The following CGGBP1 variants were observed in gnomAD, a reference collection of about 807,000 sequenced individuals.
The protein encoded by CGGBP1 is CGG triplet repeat binding protein 1, also known as CGG triplet repeat-binding protein 1.
A neutral mutation model predicts 11.4 loss-of-function variants in CGGBP1; 4 were observed. The ratio of observed to expected loss-of-function variants is 0.35; its 90% CI spans 0.17 to 0.80. The LOEUF (loss-of-function observed/expected upper bound fraction) is 0.80, where lower values mean the gene tolerates loss of function less well. Ranked by LOEUF, CGGBP1 falls within the 30% of genes least tolerant of loss-of-function variation. The pLI, the probability that CGGBP1 is intolerant of heterozygous loss-of-function variation, is 0.52. For synonymous variants in CGGBP1, 76 were observed against 74.1 expected, an observed-to-expected ratio of 1.03 and a Z score of -0.13; for missense variants, 135 against 202.1, an observed-to-expected ratio of 0.67 and a Z score of 2.01.
intron 2 of CGGBP1, among the ~76,000 whole-genome samples, chr3:88,085,452 A>G (rs1352133861): frequency 6.6e-6 from 1 of 152,232 alleles, no homozygotes; most frequent in Non-Finnish European, 1.5e-5. Flanking sequence ...TTAAAAATGT[A>G]AAATCACTTT....
At chr3:88,127,051 G>A (rs1457303181) in intron 2 of CGGBP1, among the ~76,000 whole-genome samples, 1 of 151,932 alleles carries the variant, frequency 6.6e-6, no homozygotes, top group African/African-American at 2.4e-5. Context: ...AGAACATTTT[G>A]GATCACCAAA....
chr3:88,136,798 C>A (rs1706812256), intron 2 of CGGBP1, among the ~76,000 whole-genome samples: 1 of 152,110 alleles, frequency 6.6e-6, no homozygotes, highest in South Asian at 2.1e-4. Flanking sequence ...TATCCTGGAA[C>A]CATCAAAAGA....
chr3:88,108,203 G>GTT (rs879906166), intron 2 of CGGBP1, among the ~76,000 whole-genome samples: 5 of 146,228 alleles, frequency 3.4e-5, no homozygotes, highest in African/African-American at 7.5e-5. Flanking sequence ...TTTCAAAGTA[G>GTT]TTTTTTTTTT....
chr3:88,071,568 G>A (rs112117409), intron 2 of CGGBP1, among the ~76,000 whole-genome samples: 63 of 152,274 alleles, frequency 4.1e-4, no homozygotes, highest in Middle Eastern at 3.4e-3. Flanking sequence ...CCTGGGAGGC[G>A]GAGCTTGCAG....
intron 2 of CGGBP1, among the ~76,000 whole-genome samples, chr3:88,091,600 GT>G (rs1200743928): frequency 6.6e-6 from 1 of 152,078 alleles, no homozygotes; most frequent in African/African-American, 2.4e-5. Context: ...GTTTCACTGT[GT>G]CCCCACCCAA....
intron 2 of CGGBP1, chr3:88,139,976 C>G (rs1164275792): frequency 8.7e-6 from 14 of 1,613,540 alleles, no homozygotes; most frequent in Non-Finnish European, 1.2e-5. Context: ...ATGCAATGAC[C>G]GTACATCCAA....
chr3:88,057,673 TAA>T (rs1333249230), intron 2 of CGGBP1: 5 of 152,234 alleles, frequency 3.3e-5, no homozygotes, highest in Non-Finnish European at 5.9e-5. Context: ...ACTTTCTATG[TAA>T]AAAGTCTTGT....
rs780445875 is a variant in CGGBP1, at chr3:88,055,914, C to G, written c.63G>C (p.Val21=). 2 of 1,614,172 alleles carry G rather than the reference C, an allele frequency of 1.2e-6. No homozygotes were observed. The highest frequency in any genetic ancestry group is 3.3e-5 in the Admixed American group (2 of 60,020). ...ACTCAGTGACTCGATCCAGGGGAGT[C>G]ACATACAAAGCAGTCTTAGAACGGT... ...ARNRSKTALY[V]TPLDRVTEFG... The change falls in exon 4 of 4, where the codon GTG becomes GTC. Residue 21 remains valine (V), a synonymous_variant. Transcript: ENST00000482016. This position sits in a 1 kb window ranked among gnomAD's most constrained non-coding sequence, Gnocchi z 4.2.
chr3:88,127,464 G>GGA (rs1427107629), intron 2 of CGGBP1, among the ~76,000 whole-genome samples: 1 of 151,988 alleles, frequency 6.6e-6, no homozygotes, highest in Non-Finnish European at 1.5e-5. Context: ...AAACTAAAAG[G>GGA]GAGAGAGTTG....
At chr3:88,140,225 T>A in intron 2 of CGGBP1, 1 of 1,612,138 alleles carries the variant, frequency 6.2e-7, no homozygotes, top group Non-Finnish European at 8.5e-7. Context: ...CAGAATGCCA[T>A]GAGCTTTTTG....
rs1199440848 is a variant in CGGBP1 at position 88,055,143 on chromosome 3, TCATA to T, written c.*326_*329del. On this transcript the variant is annotated 3_prime_UTR_variant, in exon 4 of 4. Transcript: ENST00000482016. This position sits in a 1 kb window ranked among gnomAD's most constrained non-coding sequence, Gnocchi z 4.2. ...AATTAAGTAATCTCACAAGGAATAA[TCATA>T]CATGGCAACAGGGTAAAAAAGCAGG... The T allele has an allele frequency of 5.2e-6, 1 of 190,660 alleles. No individual in the cohort carries two copies. The highest frequency in any genetic ancestry group is 1.1e-5 in the Non-Finnish European group (1 of 94,142). 11.8% of individuals were successfully genotyped at this position (190,660 alleles called of 1,614,324 possible).
intron 2 of CGGBP1, among the ~76,000 whole-genome samples, chr3:88,089,989 G>A (rs1708548443): frequency 6.6e-6 from 1 of 152,128 alleles, no homozygotes; most frequent in Admixed American, 6.5e-5. Context: ...TCATGCTTGT[G>A]GTGATGCTGG....
At chr3:88,109,142 A>AGTT (rs1553697146) in intron 2 of CGGBP1, among the ~76,000 whole-genome samples, 2 of 142,434 alleles carry the variant, frequency 1.4e-5, no homozygotes, top group Admixed American at 7.0e-5. Flanking sequence ...AGTGGGCACT[A>AGTT]GTGTGTGTGT....
chr3:88,104,372 G>A (rs570873674), intron 2 of CGGBP1, among the ~76,000 whole-genome samples: 14 of 152,270 alleles, frequency 9.2e-5, no homozygotes, highest in African/African-American at 2.6e-4. Flanking sequence ...CTCATGGACC[G>A]TAGTGTCTCT....
rs1303950443 is a variant in CGGBP1 at position 88,126,826 on chromosome 3, A to G, written c.-229+14144T>C. On this transcript the variant is annotated intron_variant, in intron 2 of 3. Coordinates refer to the CGGBP1 transcript ENST00000462901. ...AGTGAATAAGTGACTAACTGAATGAATAAATTTGAATTCTAGAGCAGTATT... is the reference window on the plus strand; with the variant it reads ...AGTGAATAAGTGACTAACTGAATGAGTAAATTTGAATTCTAGAGCAGTATT... Among the ~76,000 whole-genome samples, 4 of 152,158 alleles carry G rather than the reference A, an allele frequency of 2.6e-5. No homozygotes were observed. In the East Asian group the frequency reaches 7.7e-4, roughly 29 times the overall value.
At chr3:88,093,283 G>A (rs1254660293) in intron 2 of CGGBP1, among the ~76,000 whole-genome samples, 1 of 152,198 alleles carries the variant, frequency 6.6e-6, no homozygotes, top group Non-Finnish European at 1.5e-5. Flanking sequence ...CTGAAACTAA[G>A]TGGACTTTCA....
chr3:88,129,800 C>T (rs1706337784), intron 2 of CGGBP1: 1 of 1,524,338 alleles, frequency 6.6e-7, no homozygotes, highest in Admixed American at 2.0e-5. Flanking sequence ...TTCCACAGCT[C>T]CAGAATGGGG....
chr3:88,059,221 G>A, upstream of CGGBP1: 1 of 1,491,300 alleles, frequency 6.7e-7, no homozygotes. Flanking sequence ...AGGGAGGAGG[G>A]AAGGGGGAGG....
chr3:88,055,845 A>T lies in CGGBP1; in HGVS notation c.132T>A (p.Thr44=). Residue 44 remains threonine (T), a synonymous_variant, in exon 4 of 4, where the codon ACT becomes ACA. Coordinates refer to ENST00000482016, the MANE Select transcript of CGGBP1 (RefSeq NM_001008390.2). The surrounding 1 kb of genome is among the most constrained non-coding windows in gnomAD (Gnocchi z 4.2). ...CATGATTCAGAACCACATTGCAAGA[A>T]GTGCAGAAGAGTTTTCCTCCATCTT... The part of the protein sequence containing the change: ...LHEDGGKLFC[T]SCNVVLNHVR... The T allele has an allele frequency of 6.2e-7, 1 of 1,614,222 alleles. No individual in the cohort carries two copies. Among genetic ancestry groups the T allele is most frequent in the Non-Finnish European group, 8.5e-7 (1 of 1,180,028 alleles).
Sources: gnomAD v4.1 joint callset for allele counts (sites outside exome capture counted in the v4.1 genomes callset) on GRCh38, gnomAD v4.1.1 for gene constraint, Gnocchi (gnomAD v3.1) non-coding constraint, MANE v1.5 for transcripts, NCBI Gene and HGNC (gene_info 2026-07-23, HGNC 2026-07-21) for gene names.